LPP: variants seen among roughly 807,000 people sequenced by gnomAD.
LPP encodes the protein LIM domain containing preferred translocation partner in lipoma, also known as lipoma-preferred partner.
LPP carries 38 observed loss-of-function variants against 60.4 expected under a neutral mutation model. The observed-to-expected ratio is 0.63, with a 90% CI of 0.49 to 0.83. The LOEUF is 0.83. Among genes scored for constraint, LPP ranks in the 40% least tolerant of loss-of-function variants. The pLI, the probability that LPP is intolerant of heterozygous loss-of-function variation, is 0.00. For synonymous variants in LPP, 328 were observed against 290.8 expected, an observed-to-expected ratio of 1.13 and a Z score of -1.30; for missense variants, 902 against 783.6, an observed-to-expected ratio of 1.15 and a Z score of -1.80.
intron 2 of LPP, among the ~76,000 whole-genome samples, chr3:188,265,143 A>C (rs2149724382): frequency 6.6e-6 from 1 of 152,364 alleles, no homozygotes; most frequent in South Asian, 2.1e-4. Flanking sequence ...GAGGTTTAGC[A>C]CGAATTAAAT....
chr3:188,470,309 C>CAG (rs1801515295), intron 4 of LPP, among the ~76,000 whole-genome samples: 1 of 148,406 alleles, frequency 6.7e-6, no homozygotes, highest in South Asian at 2.2e-4. Context: ...CACACACACA[C>CAG]ACACACACAC....
chr3:188,250,794 C>CTTTCTCTTTCTT (rs1553835809), intron 2 of LPP, among the ~76,000 whole-genome samples: 1 of 114,212 alleles, frequency 8.8e-6, no homozygotes, highest in African/African-American at 3.8e-5. Flanking sequence ...TTCTGTCTTT[C>CTTTCTCTTTCTT]TCTTTCTTTC....
intron 3 of LPP, among the ~76,000 whole-genome samples, chr3:188,399,700 C>G (rs1781794445): frequency 6.6e-6 from 1 of 152,084 alleles, no homozygotes; most frequent in Non-Finnish European, 1.5e-5. Context: ...ATAAAGATCC[C>G]CATATGAGGT....
chr3:188,783,726 G>GA (rs35600998), intron 9 of LPP, among the ~76,000 whole-genome samples: 5 of 151,062 alleles, frequency 3.3e-5, no homozygotes, highest in Non-Finnish European at 5.9e-5. Context: ...TTTAAAAAAA[G>GA]AAAAAAAAAT....
intron 1 of LPP, among the ~76,000 whole-genome samples, chr3:188,155,354 C>A (rs759125681): frequency 3.9e-5 from 6 of 152,184 alleles, no homozygotes; most frequent in Non-Finnish European, 8.8e-5. Context: ...CTTTCTCTTT[C>A]CATTCCTTCC....
In LPP at chr3:188,882,984, T is replaced by G. The variant is rs1258009082; in HGVS notation, c.*8505T>G. 1 of 190,162 alleles carries G rather than the reference T, an allele frequency of 5.3e-6. No individual in the cohort carries two copies. The highest frequency in any genetic ancestry group is 1.1e-5 in the Non-Finnish European group (1 of 90,590). 11.8% of individuals were successfully genotyped at this position (190,162 alleles called of 1,614,324 possible). A position where few individuals can be genotyped will look rare whatever the true frequency, so the allele number is the denominator to read the frequency against. ...ACCTCGTGATCCGCCCGCCTCGGCCTCCCAAAGTGCCAATTCTGACTCTAC... is the reference window on the plus strand; with the variant it reads ...ACCTCGTGATCCGCCCGCCTCGGCCGCCCAAAGTGCCAATTCTGACTCTAC... On this transcript the variant is annotated 3_prime_UTR_variant, in exon 12 of 12. Coordinates refer to ENST00000617246, the MANE Select transcript of LPP (RefSeq NM_001375462.1).
intron 9 of LPP, among the ~76,000 whole-genome samples, chr3:188,864,952 T>G (rs1474122815): frequency 6.6e-6 from 1 of 152,186 alleles, no homozygotes; most frequent in Non-Finnish European, 1.5e-5. Context: ...TGCTATAGGT[T>G]AGACATAAGG....
intron 1 of LPP, among the ~76,000 whole-genome samples, chr3:188,213,961 AAC>A (rs59389556): frequency 0.15 from 19,314 of 130,246 alleles, 1,574 homozygotes; most frequent in Admixed American, 0.21. Flanking sequence ...TTAGATTTTA[AAC>A]ACACACACAC....
intron 7 of LPP, among the ~76,000 whole-genome samples, chr3:188,692,781 G>C (rs548430032): frequency 6.6e-6 from 1 of 152,288 alleles, no homozygotes; most frequent in South Asian, 2.1e-4. Context: ...TTTTGTGTTA[G>C]AAGCTTGCTA....
intron 7 of LPP, among the ~76,000 whole-genome samples, chr3:188,701,333 A>G (rs1864360648): frequency 6.6e-6 from 1 of 152,224 alleles, no homozygotes. Context: ...CCCTAGCAAG[A>G]AAAGAGGAAT....
At chr3:188,506,195 G>A (rs1813401861) in intron 5 of LPP, among the ~76,000 whole-genome samples, 1 of 152,108 alleles carries the variant, frequency 6.6e-6, no homozygotes, top group South Asian at 2.1e-4. Flanking sequence ...GGTGGCATGA[G>A]CCCAGGGTTT....
chr3:188,737,760 C>G (rs1450918566), intron 8 of LPP, among the ~76,000 whole-genome samples: 1 of 152,088 alleles, frequency 6.6e-6, no homozygotes, highest in Non-Finnish European at 1.5e-5. Flanking sequence ...GGCAGTGTCC[C>G]CTACATAGAG....
intron 7 of LPP, among the ~76,000 whole-genome samples, chr3:188,698,319 TC>T (rs1330358225): frequency 5.9e-5 from 9 of 152,112 alleles, no homozygotes; most frequent in Non-Finnish European, 2.9e-5. Context: ...GGTGAAGCCA[TC>T]CAATGGAAAT....
At chr3:188,428,939 A>G (rs1560392832) in intron 4 of LPP, among the ~76,000 whole-genome samples, 2 of 152,196 alleles carry the variant, frequency 1.3e-5, no homozygotes, top group East Asian at 1.9e-4. Flanking sequence ...CGTCTTTATA[A>G]TTGTGACTCA....
intron 5 of LPP, among the ~76,000 whole-genome samples, chr3:188,511,226 C>A (rs1579498358): frequency 8.7e-6 from 1 of 115,526 alleles, no homozygotes; most frequent in East Asian, 3.0e-4. Context: ...CTTCCTTCCT[C>A]CCTTCCTCCC....
chr3:188,490,523 C>T (rs544699010), intron 5 of LPP, among the ~76,000 whole-genome samples: 4 of 151,534 alleles, frequency 2.6e-5, no homozygotes, highest in South Asian at 2.1e-4. Flanking sequence ...CCACCAAGAC[C>T]GGCTAATTTT....
chr3:188,203,044 TA>T (rs1172218304), intron 1 of LPP, among the ~76,000 whole-genome samples: 2 of 146,238 alleles, frequency 1.4e-5, no homozygotes, highest in East Asian at 3.9e-4. Flanking sequence ...ATATGTTTTT[TA>T]TTTATAATAA....
chr3:188,662,022 G>A (rs1854691658), intron 7 of LPP, among the ~76,000 whole-genome samples: 1 of 152,226 alleles, frequency 6.6e-6, no homozygotes, highest in South Asian at 2.1e-4. Context: ...TGCTGTTAGT[G>A]TGACCAGAAA....
At chr3:188,563,916 G>A (rs1448194958) in intron 6 of LPP, among the ~76,000 whole-genome samples, 2 of 151,626 alleles carry the variant, frequency 1.3e-5, no homozygotes, top group Non-Finnish European at 2.9e-5. Context: ...TGTTGGGGAA[G>A]TTATTTTCCA....
Sources: gnomAD v4.1 joint callset for allele counts (sites outside exome capture counted in the v4.1 genomes callset) on GRCh38, gnomAD v4.1.1 for gene constraint, MANE v1.5 for transcripts, NCBI Gene and HGNC (gene_info 2026-07-23, HGNC 2026-07-21) for gene names.